NRG3: variants seen among roughly 807,000 people sequenced by gnomAD.
NRG3 encodes pro-neuregulin-3, membrane-bound isoform.
Under a neutral mutation model 66.9 loss-of-function variants are expected in NRG3, and 31 were observed. The ratio of observed to expected loss-of-function variants is 0.46; its 90% confidence interval spans 0.35 to 0.63. The LOEUF is 0.63. Ranked by LOEUF, NRG3 falls within the 20% of genes least tolerant of loss-of-function variation. NRG3 has a pLI of 0.00. For synonymous variants in NRG3, 393 were observed against 359.4 expected (o/e 1.09, Z -1.06); for missense variants, 910 against 878.9 (o/e 1.04, Z -0.45).
intron 1 of NRG3, among the ~76,000 whole-genome samples, chr10:82,353,522 G>A (rs2083564476): frequency 6.6e-6 from 1 of 152,140 alleles, no homozygotes; most frequent in Admixed American, 6.5e-5. Flanking sequence ...GCTACGTGAT[G>A]TGGAAAGAAT....
intron 4 of NRG3, among the ~76,000 whole-genome samples, chr10:82,915,793 T>TA (rs1270333159): frequency 3.9e-5 from 6 of 152,168 alleles, no homozygotes; most frequent in African/African-American, 1.4e-4. Flanking sequence ...TCACTAAACC[T>TA]AAAAAATTCA....
intron 1 of NRG3, among the ~76,000 whole-genome samples, chr10:82,061,326 G>C (rs1337501605): frequency 6.6e-6 from 1 of 152,098 alleles, no homozygotes; most frequent in Non-Finnish European, 1.5e-5. Context: ...TCTCCAGCCT[G>C]GGCAACAGAG....
intron 1 of NRG3, among the ~76,000 whole-genome samples, chr10:81,896,537 G>A (rs1843543771): frequency 6.6e-6 from 1 of 152,090 alleles, no homozygotes; most frequent in African/African-American, 2.4e-5. Context: ...TATATTTTTG[G>A]AGAAAGCTAA....
At chr10:82,954,307 C>G (rs17761478) in intron 5 of NRG3, among the ~76,000 whole-genome samples, 58,497 of 151,792 alleles carry the variant, frequency 0.39, 12,279 homozygotes, top group Middle Eastern at 0.49. Context: ...ATTATGAAAG[C>G]AAACAGCTGG....
At chr10:82,759,214 G>A (rs778770541) in intron 3 of NRG3, among the ~76,000 whole-genome samples, 11 of 151,718 alleles carry the variant, frequency 7.3e-5, no homozygotes, top group East Asian at 1.9e-4. Context: ...CTCTTACTAC[G>A]CAATCTGTTT....
At chr10:82,126,395 G>A (rs1389577412) in intron 1 of NRG3, among the ~76,000 whole-genome samples, 1 of 151,914 alleles carries the variant, frequency 6.6e-6, no homozygotes, top group Non-Finnish European at 1.5e-5. Context: ...GCTGCAACAT[G>A]AGACATACAG....
At chr10:82,462,362 T>A (rs563993382) in intron 2 of NRG3, among the ~76,000 whole-genome samples, 1 of 152,006 alleles carries the variant, frequency 6.6e-6, no homozygotes, top group East Asian at 1.9e-4. Context: ...CCTTTATTTG[T>A]TTGTATATTA....
intron 1 of NRG3, among the ~76,000 whole-genome samples, chr10:82,105,756 A>G (rs1327026137): frequency 6.6e-6 from 1 of 152,250 alleles, no homozygotes; most frequent in Admixed American, 6.5e-5. Context: ...GAAAATAGAC[A>G]TAAATGATAA....
chr10:82,296,801 G>A (rs1223945799), intron 1 of NRG3, among the ~76,000 whole-genome samples: 2 of 151,478 alleles, frequency 1.3e-5, no homozygotes, highest in Admixed American at 1.3e-4. Context: ...AGATTTGGGG[G>A]ATATATACAT....
chr10:82,628,786 A>C (rs541263181), intron 2 of NRG3, among the ~76,000 whole-genome samples: 1 of 152,276 alleles, frequency 6.6e-6, no homozygotes, highest in African/African-American at 2.4e-5. Context: ...TGGGGACTTT[A>C]TTTACCACTG....
At chr10:82,780,401 G>T (rs1296850945) in intron 3 of NRG3, among the ~76,000 whole-genome samples, 1 of 150,568 alleles carries the variant, frequency 6.6e-6, no homozygotes, top group Non-Finnish European at 1.5e-5. Context: ...ATTTGTATTT[G>T]CTTGTTGAAG....
intron 1 of NRG3, among the ~76,000 whole-genome samples, chr10:82,199,779 G>A (rs1275630552): frequency 1.3e-5 from 2 of 151,784 alleles, no homozygotes; most frequent in Non-Finnish European, 2.9e-5. Context: ...ACAATATTAA[G>A]TTTTTCTGTA....
At chr10:82,612,266 A>G (rs1237537361) in intron 2 of NRG3, among the ~76,000 whole-genome samples, 1 of 151,882 alleles carries the variant, frequency 6.6e-6, no homozygotes, top group Non-Finnish European at 1.5e-5. Flanking sequence ...CAAATTCTTA[A>G]CGTTGTATGT....
intron 1 of NRG3, among the ~76,000 whole-genome samples, chr10:82,103,606 TG>T (rs750333565): frequency 6.6e-6 from 1 of 152,182 alleles, no homozygotes; most frequent in Non-Finnish European, 1.5e-5. Flanking sequence ...CATGCTTCTT[TG>T]GGTCTATTAC....
chr10:82,354,684 G>A (rs1009818132), intron 1 of NRG3, among the ~76,000 whole-genome samples: 4 of 152,054 alleles, frequency 2.6e-5, no homozygotes, highest in Admixed American at 6.6e-5. Context: ...GAGCCACCGC[G>A]CTGGGCCAAA....
intron 2 of NRG3, among the ~76,000 whole-genome samples, chr10:82,443,799 C>T (rs1256332510): frequency 6.6e-6 from 1 of 152,162 alleles, no homozygotes; most frequent in East Asian, 1.9e-4. Flanking sequence ...GCTCAATGCT[C>T]TTGATCTGGG....
chr10:82,207,567 C>T (rs1389868557), intron 1 of NRG3, among the ~76,000 whole-genome samples: 1 of 152,104 alleles, frequency 6.6e-6, no homozygotes, highest in African/African-American at 2.4e-5. Flanking sequence ...AATAGTAAAG[C>T]CGTGTGTAGC....
chr10:82,114,186 C>G (rs2067558348), intron 1 of NRG3, among the ~76,000 whole-genome samples: 1 of 152,132 alleles, frequency 6.6e-6, no homozygotes, highest in African/African-American at 2.4e-5. Context: ...TATTCCATTG[C>G]ATAGATATAC....
At chr10:82,719,573 T>C (rs2057175978) in intron 2 of NRG3, among the ~76,000 whole-genome samples, 1 of 152,166 alleles carries the variant, frequency 6.6e-6, no homozygotes, top group African/African-American at 2.4e-5. Flanking sequence ...GCTCTCTATC[T>C]TTCTGTTTTG....
Sources: gnomAD v4.1 joint callset for allele counts (sites outside exome capture counted in the v4.1 genomes callset) on GRCh38, gnomAD v4.1.1 for gene constraint, MANE v1.5 for transcripts, NCBI Gene and HGNC (gene_info 2026-07-23, HGNC 2026-07-21) for gene names.